Variants in ZFHX3 observed in about 807,000 individuals in gnomAD.
The protein encoded by ZFHX3 is zinc finger homeobox protein 3.
Under a neutral mutation model 279.1 loss-of-function variants are expected in ZFHX3, and 42 were observed. The ratio of observed to expected loss-of-function variants is 0.15; its 90% CI spans 0.12 to 0.19. ZFHX3 has a LOEUF of 0.19. Ranked by LOEUF, ZFHX3 falls within the 10% of genes least tolerant of loss-of-function variation. The probability of loss-of-function intolerance (pLI) is 1.00; values close to 1 mark genes in which losing one functional copy is unlikely to be tolerated. For synonymous variants in ZFHX3, 2,293 were observed against 1,957.8 expected (o/e 1.17, Z -4.52); for missense variants, 4,981 against 4,754.0 (o/e 1.05, Z -1.40).
intron 2 of ZFHX3, among the ~76,000 whole-genome samples, chr16:73,605,266 A>G (rs919035138): frequency 2.6e-5 from 4 of 152,228 alleles, no homozygotes; most frequent in Admixed American, 1.3e-4. Flanking sequence ...GGGAACTTAA[A>G]AGAAGCTCGC....
chr16:72,829,719 A>T lies in ZFHX3; in HGVS notation c.3529+60T>A, dbSNP rs914992083. On this transcript the variant is annotated intron_variant, in intron 5 of 9. Transcript: ENST00000268489. ...GCTCCATTCTTCCAGGGAAGGAAAG[A>T]TGAGAAGGCTCAAGGACAGCCACAC... 12 of 1,581,480 alleles carry T rather than the reference A, an allele frequency of 7.6e-6. No individual in the cohort carries two copies. The Admixed American group carries it at 1.3e-4, about 18-fold the overall frequency.
chr16:73,089,516 C>T (rs1434602553), intron 8 of ZFHX3, among the ~76,000 whole-genome samples: 6 of 152,164 alleles, frequency 3.9e-5, no homozygotes, highest in Admixed American at 2.6e-4. Context: ...ACTGTGTCAC[C>T]GAACAAGGGT....
chr16:72,878,714 T>A (rs1485013488), intron 4 of ZFHX3, among the ~76,000 whole-genome samples: 1 of 152,162 alleles, frequency 6.6e-6, no homozygotes, highest in East Asian at 1.9e-4. Flanking sequence ...GTGGATGAGT[T>A]TGTCAGCCTG....
At chr16:72,829,341 G>C (rs969207957) in intron 5 of ZFHX3, among the ~76,000 whole-genome samples, 2 of 152,056 alleles carry the variant, frequency 1.3e-5, no homozygotes, top group Admixed American at 6.5e-5. Flanking sequence ...AATCAGGGGT[G>C]ACCCTGATCA....
chr16:73,804,334 C>T (rs1017668704), intron 1 of ZFHX3, among the ~76,000 whole-genome samples: 1 of 152,132 alleles, frequency 6.6e-6, no homozygotes, highest in African/African-American at 2.4e-5. Flanking sequence ...ACAAAAACTA[C>T]ACCAAGTTCT....
At chr16:73,546,606 T>C (rs932897722) in intron 2 of ZFHX3, among the ~76,000 whole-genome samples, 2 of 151,498 alleles carry the variant, frequency 1.3e-5, no homozygotes, top group African/African-American at 4.9e-5. Flanking sequence ...GGAGTGGAGA[T>C]TGCCAGCCCC....
chr16:73,210,516 A>G (rs1285993960), intron 5 of ZFHX3, among the ~76,000 whole-genome samples: 1 of 152,202 alleles, frequency 6.6e-6, no homozygotes, highest in Non-Finnish European at 1.5e-5. Flanking sequence ...CTAAAAATCA[A>G]TACGTTGAAA....
chr16:72,939,130 G>T (rs1207599083), intron 3 of ZFHX3, among the ~76,000 whole-genome samples: 3 of 152,134 alleles, frequency 2.0e-5, no homozygotes, highest in Admixed American at 2.0e-4. Flanking sequence ...CGGTAGAGGG[G>T]AAGTATAGAA....
At chr16:73,436,381 T>C (rs957629693) in intron 3 of ZFHX3, among the ~76,000 whole-genome samples, 1 of 152,004 alleles carries the variant, frequency 6.6e-6, no homozygotes, top group African/African-American at 2.4e-5. Context: ...CTCACAATCA[T>C]GGTGGAAGGT....
At chr16:73,745,434 G>T (rs1350285988) in intron 1 of ZFHX3, among the ~76,000 whole-genome samples, 1 of 152,080 alleles carries the variant, frequency 6.6e-6, no homozygotes, top group Non-Finnish European at 1.5e-5. Flanking sequence ...TAGACTCCTG[G>T]GTCAGACACA....
In ZFHX3 at chr16:72,787,659, A is replaced by C; in HGVS notation, c.10617T>G (p.Cys3539Trp). 1 of 1,582,560 alleles carries C rather than the reference A, an allele frequency of 6.3e-7. No individual in the cohort carries two copies. The change falls in exon 10 of 10, where the codon TGT (cysteine) becomes TGG (tryptophan). Residue 3539 changes from cysteine (C) to tryptophan (W), a missense_variant. Around this residue, in one of 7 missense-constraint regions of ZFHX3, gnomAD observed 1,034 missense variants for 786.0 expected, o/e 1.32. Coordinates refer to ENST00000268489, the MANE Select transcript of ZFHX3 (RefSeq NM_006885.4). ...YHCLACESALCGEEALSQHLE... is the reference protein window; with the variant it reads ...YHCLACESALWGEEALSQHLE... ...GATGTTGACTCAGAGCTTCCTCCCC[A>C]CAGAGCGCGCTCTCGCACGCCAGGC...
intron 3 of ZFHX3, among the ~76,000 whole-genome samples, chr16:72,916,050 G>T (rs1018582580): frequency 6.6e-6 from 1 of 152,158 alleles, no homozygotes; most frequent in East Asian, 1.9e-4. Flanking sequence ...TGGAAATGAC[G>T]GACTGGAATA....
intron 4 of ZFHX3, among the ~76,000 whole-genome samples, chr16:72,856,158 G>C (rs547194809): frequency 3.8e-4 from 58 of 152,326 alleles, no homozygotes; most frequent in East Asian, 1.4e-3. Flanking sequence ...TGCTATGAAG[G>C]GGGGAAAGAA....
chr16:72,796,439 T>C lies in ZFHX3; in HGVS notation c.6243A>G (p.Pro2081=). The C allele has an allele frequency of 1.2e-6, 2 of 1,607,682 alleles. No individual in the cohort carries two copies. The highest frequency in any genetic ancestry group is 8.5e-7 in the Non-Finnish European group (1 of 1,179,002). Reference sequence around the variant, plus strand: ...TGGAGAGCTGGGTGAGCGGCACTGATGGCTGGGCCGGTGCAATTGTAGGTG... The same window carrying C: ...TGGAGAGCTGGGTGAGCGGCACTGACGGCTGGGCCGGTGCAATTGTAGGTG... ...ITSPTIAPAQ[P]SVPLTQLSMP... Residue 2081 remains proline, a synonymous_variant, in exon 9 of 10, where the codon CCA becomes CCG. Transcript: ENST00000268489.
At chr16:73,815,972 G>A (rs1369276730) in intron 1 of ZFHX3, 1 of 152,220 alleles carries the variant, frequency 6.6e-6, no homozygotes, top group Non-Finnish European at 1.5e-5. Context: ...GACTTTTCAA[G>A]TAACTAAAGT....
In ZFHX3 at chr16:73,274,895, C is replaced by T. The variant is rs186757861; in HGVS notation, c.-1193-17759G>A. Among the ~76,000 whole-genome samples the T allele has an allele frequency of 3.6e-4, 55 of 152,290 alleles. No homozygotes were observed. The East Asian group carries it at 6.0e-3, about 17-fold the overall frequency. On this transcript the variant is annotated intron_variant, in intron 4 of 17. Transcript: ENST00000641206. ...TCTATATGACATCTGGTGTATATTT[C>T]GGATAGATACCCTTTATTGGTCTAA...
chr16:73,636,450 C>T (rs2142152138), intron 2 of ZFHX3, among the ~76,000 whole-genome samples: 1 of 152,206 alleles, frequency 6.6e-6, no homozygotes, highest in Admixed American at 6.5e-5. Context: ...TGTATATTGG[C>T]AAGAAAGAGG....
At chr16:73,395,212 C>G (rs2017102481) in intron 3 of ZFHX3, among the ~76,000 whole-genome samples, 1 of 152,196 alleles carries the variant, frequency 6.6e-6, no homozygotes, top group African/African-American at 2.4e-5. Flanking sequence ...TGCCTGTAAT[C>G]CCAGCACTTT....
chr16:73,310,685 T>C (rs2015303804), intron 4 of ZFHX3, among the ~76,000 whole-genome samples: 2 of 152,182 alleles, frequency 1.3e-5, no homozygotes, highest in African/African-American at 4.8e-5. Context: ...GAAACTGATA[T>C]ACACCAAGGT....
Sources: allele counts gnomAD v4.1 joint callset (sites outside exome capture counted in the v4.1 genomes callset), GRCh38; gene constraint gnomAD v4.1.1; regional missense constraint gnomAD v4.1.1; transcripts MANE v1.5; gene names NCBI Gene and HGNC (gene_info 2026-07-23, HGNC 2026-07-21).